EFCAB6: variants seen among roughly 807,000 people sequenced by gnomAD.
EFCAB6 encodes the protein EF-hand calcium binding domain 6.
EFCAB6 carries 156 observed loss-of-function variants against 169.8 expected under a neutral mutation model. The ratio of observed to expected loss-of-function variants is 0.92; its 90% confidence interval spans 0.81 to 1.05. EFCAB6 has a LOEUF of 1.05. Among genes scored for constraint, EFCAB6 ranks in the 50% least tolerant of loss-of-function variants. The pLI, the probability that EFCAB6 is intolerant of heterozygous loss-of-function variation, is 0.00. For missense variants in EFCAB6, 1,800 were observed against 1,829.1 expected (o/e 0.98, Z 0.29); for synonymous variants, 698 against 676.4 (o/e 1.03, Z -0.50).
intron 27 of EFCAB6, among the ~76,000 whole-genome samples, chr22:43,541,392 A>C (rs544202066): frequency 6.6e-6 from 1 of 152,268 alleles, no homozygotes; most frequent in South Asian, 2.1e-4. Flanking sequence ...TTTACTTTTT[A>C]TTTAGAAATA....
At chr22:43,737,634 T>G (rs1465813414) in intron 6 of EFCAB6, among the ~76,000 whole-genome samples, 2 of 141,928 alleles carry the variant, frequency 1.4e-5, no homozygotes, top group Non-Finnish European at 3.1e-5. Context: ...CATGCAGATA[T>G]TCACATGCAC....
intron 20 of EFCAB6, among the ~76,000 whole-genome samples, chr22:43,619,449 T>G (rs1272095634): frequency 6.6e-6 from 1 of 152,026 alleles, no homozygotes; most frequent in East Asian, 1.9e-4. Flanking sequence ...CAGAAAAATC[T>G]CCATAATGCT....
At chr22:43,747,933 C>T (rs1042325406) in intron 6 of EFCAB6, among the ~76,000 whole-genome samples, 3 of 152,224 alleles carry the variant, frequency 2.0e-5, no homozygotes, top group Admixed American at 6.5e-5. Flanking sequence ...AGGTGATATA[C>T]CGCCCAATAA....
chr22:43,555,209 G>A, intron 26 of EFCAB6, 113 bp from the exon 27 acceptor site: 1 of 1,106,686 alleles, frequency 9.0e-7, no homozygotes, highest in Non-Finnish European at 1.3e-6. Flanking sequence ...GGGGAGGAGA[G>A]GCCAGAAGAC....
chr22:43,599,973 A>G, intron 23 of EFCAB6, 96 bp downstream of exon 23: 3 of 1,314,112 alleles, frequency 2.3e-6, no homozygotes, highest in Non-Finnish European at 2.1e-6. Context: ...TAACTTTGCC[A>G]GCATGGGAAG....
At chr22:43,730,539 C>G (rs1175519559) in intron 8 of EFCAB6, among the ~76,000 whole-genome samples, 3 of 151,982 alleles carry the variant, frequency 2.0e-5, no homozygotes, top group Admixed American at 6.5e-5. Context: ...CTGATACACT[C>G]AGGTAAAAGT....
intron 8 of EFCAB6, among the ~76,000 whole-genome samples, chr22:43,717,200 T>G (rs73887401): frequency 0.022 from 3,392 of 151,238 alleles, 113 homozygotes; most frequent in African/African-American, 0.079. Context: ...CTAGATAGAG[T>G]GAAATGTACA....
At position 43,600,036 on chromosome 22, in the gene EFCAB6, T is replaced by C. The variant is rs541182797; in HGVS notation, c.2876+33A>G. The C allele has an allele frequency of 8.8e-6, 14 of 1,598,370 alleles. No individual in the cohort carries two copies. The East Asian group carries it at 1.3e-4, about 15-fold the overall frequency. On this transcript the variant is annotated intron_variant, in intron 23 of 31. Coordinates refer to ENST00000262726, the MANE Select transcript of EFCAB6 (RefSeq NM_022785.4). The stretch of plus-strand genomic sequence containing the variant: ...GAGGCCAGATGTAAAAGGGGACTTC[T>C]AGATGATGGCCCCGTGATCCTTCCT...
chr22:43,746,289 T>G (rs1162283221), intron 6 of EFCAB6, among the ~76,000 whole-genome samples: 2 of 152,058 alleles, frequency 1.3e-5, no homozygotes, highest in Non-Finnish European at 2.9e-5. Flanking sequence ...CGAAAAAGCT[T>G]ACTGAAAAAG....
Position 43,590,074 on chromosome 22 carries a change from C to G in EFCAB6, c.3032G>C (p.Ser1011Thr). ...TEGELTHLLN[S>T]WGVSRHDNAI... ...CATATTTAACTGAGTCCAAAAAGAC[C>G]TGTTTAGCAGATGGGTCAGCTCCCC... Residue 1011 changes from serine to threonine, a missense_variant and splice_region_variant, in exon 24 of 32, where the codon AGT (serine) becomes ACT (threonine). Coordinates refer to ENST00000262726, the MANE Select transcript of EFCAB6 (RefSeq NM_022785.4). 6.2e-7 allele frequency: 1 copy of G among 1,611,616 alleles called. No individual in the cohort carries two copies. Among genetic ancestry groups the G allele is most frequent in the Non-Finnish European group, 8.5e-7 (1 of 1,179,154 alleles).
chr22:43,594,725 T>C (rs1435964194), intron 23 of EFCAB6, among the ~76,000 whole-genome samples: 3 of 152,188 alleles, frequency 2.0e-5, no homozygotes, highest in African/African-American at 2.4e-5. Flanking sequence ...GGGCAGATCA[T>C]CCAGACAGGA....
chr22:43,775,905 C>A (rs1308893813), intron 3 of EFCAB6, among the ~76,000 whole-genome samples: 1 of 152,220 alleles, frequency 6.6e-6, no homozygotes, highest in Non-Finnish European at 1.5e-5. Context: ...GACTCTGGCC[C>A]CCGATGTGAC....
intron 2 of EFCAB6, among the ~76,000 whole-genome samples, chr22:43,796,391 T>A (rs1020006952): frequency 2.0e-5 from 3 of 152,198 alleles, no homozygotes; most frequent in African/African-American, 7.2e-5. Flanking sequence ...TACACTAGCA[T>A]GAATGTCTTG....
Position 43,737,657 on chromosome 22 carries a change from TCA to T in EFCAB6, c.508-1666_508-1665del, listed in dbSNP as rs527446644. Among the ~76,000 whole-genome samples the T allele has an allele frequency of 1.2e-3, 153 of 129,548 alleles. 1 individual carries two copies. Among genetic ancestry groups the T allele is most frequent in the African/African-American group, 4.2e-3 (142 of 34,010 alleles). The allele number at this position is 129,548 out of a possible 152,430, so 85.0% of individuals were successfully genotyped here. A position where few individuals can be genotyped will look rare whatever the true frequency, so the allele number is the denominator to read the frequency against. ...TATTCACATGCACACACACCATCAT[TCA>T]CACACACATATATTCATACACACCT... On this transcript the variant is annotated intron_variant, in intron 6 of 31. Transcript: ENST00000262726.
chr22:43,685,005 C>A (rs1174496662), intron 11 of EFCAB6, among the ~76,000 whole-genome samples: 1 of 152,226 alleles, frequency 6.6e-6, no homozygotes, highest in South Asian at 2.1e-4. Context: ...AATTCTAAAG[C>A]CCCTAATGCC....
chr22:43,735,964 T>A lies in EFCAB6; in HGVS notation c.537A>T (p.Lys179Asn). Residue 179 changes from lysine to asparagine, a missense_variant, in exon 7 of 32, where the codon AAA (lysine) becomes AAT (asparagine). Coordinates refer to ENST00000262726, the MANE Select transcript of EFCAB6 (RefSeq NM_022785.4). ...KVFKNIKTVM[K>N]AFELIDVNKT... ...TGTTAACATCAATGAGCTCAAAGGC[T>A]TTCATAACAGTCTTAATGTTTTTGA... The A allele has an allele frequency of 6.2e-7, 1 of 1,613,764 alleles. No homozygotes were observed. The highest frequency in any genetic ancestry group is 2.2e-5 in the East Asian group (1 of 44,864).
chr22:43,608,266 G>A lies in EFCAB6; in HGVS notation c.2681+216C>T, dbSNP rs140183692. Reference sequence around the variant, plus strand: ...GGATGAGCATTTACCCTGGTTCTCCGTGTTACTGAAGACCAACCCATCCAC... The same window carrying A: ...GGATGAGCATTTACCCTGGTTCTCCATGTTACTGAAGACCAACCCATCCAC... On this transcript the variant is annotated intron_variant, in intron 22 of 31. Transcript: ENST00000262726. 1.2e-4 allele frequency among the ~76,000 whole-genome samples: 18 copies of A among 152,240 alleles called. 3 individuals are homozygous for A. The highest frequency in any genetic ancestry group is 1.9e-4 in the East Asian group (1 of 5,168).
chr22:43,659,967 C>G (rs1005797353), intron 17 of EFCAB6, among the ~76,000 whole-genome samples: 1 of 152,196 alleles, frequency 6.6e-6, no homozygotes, highest in African/African-American at 2.4e-5. Flanking sequence ...CAGCTCCCTA[C>G]TGCATGTCTC....
intron 17 of EFCAB6, among the ~76,000 whole-genome samples, chr22:43,660,844 C>T (rs939054812): frequency 1.3e-5 from 2 of 152,172 alleles, no homozygotes; most frequent in African/African-American, 4.8e-5. Flanking sequence ...TGATGACATG[C>T]TGCACTGGCC....
Sources: gnomAD v4.1 joint callset for allele counts (sites outside exome capture counted in the v4.1 genomes callset) on GRCh38, gnomAD v4.1.1 for gene constraint, MANE v1.5 for transcripts, NCBI Gene and HGNC (gene_info 2026-07-23, HGNC 2026-07-21) for gene names.